Variants in SCGN observed in about 807,000 individuals in gnomAD.
The protein encoded by SCGN is secretagogin, EF-hand calcium binding protein.
SCGN carries 30 observed loss-of-function variants against 39.7 expected under a neutral mutation model. The observed-to-expected ratio is 0.76, with a 90% CI of 0.57 to 1.03. The LOEUF (loss-of-function observed/expected upper bound fraction) is 1.03. Among genes scored for constraint, SCGN ranks in the 50% least tolerant of loss-of-function variants. The pLI, the probability that SCGN is intolerant of heterozygous loss-of-function variation, is 0.00. For synonymous variants in SCGN, 106 were observed against 114.1 expected, an observed-to-expected ratio of 0.93 and a Z score of 0.45; for missense variants, 353 against 349.4, an observed-to-expected ratio of 1.01 and a Z score of -0.08.
chr6:25,695,928 C>G (rs1214602480), intron 10 of SCGN, among the ~76,000 whole-genome samples: 1 of 152,190 alleles, frequency 6.6e-6, no homozygotes, highest in Non-Finnish European at 1.5e-5. Context: ...GCAAGAAATT[C>G]CAGATCTCCC....
At chr6:25,668,217 GAAA>G (rs57628790) in intron 4 of SCGN, among the ~76,000 whole-genome samples, 2 of 146,802 alleles carry the variant, frequency 1.4e-5, no homozygotes, top group African/African-American at 5.0e-5. Context: ...ATCTGTCAGT[GAAA>G]AAAAAAAAAA....
intron 4 of SCGN, among the ~76,000 whole-genome samples, chr6:25,666,046 A>G (rs1760419186): frequency 6.6e-6 from 1 of 150,944 alleles, no homozygotes; most frequent in South Asian, 2.1e-4. Flanking sequence ...TTTATTTAAA[A>G]AACTTTGTCC....
intron 6 of SCGN, among the ~76,000 whole-genome samples, chr6:25,679,473 C>T (rs955824083): frequency 2.8e-4 from 37 of 133,232 alleles, no homozygotes; most frequent in African/African-American, 8.7e-4. Flanking sequence ...GGCACGGAGC[C>T]CCGTGGGCAG....
chr6:25,674,633 T>C (rs1759542224), intron 6 of SCGN, among the ~76,000 whole-genome samples: 1 of 152,252 alleles, frequency 6.6e-6, no homozygotes, highest in African/African-American at 2.4e-5. Flanking sequence ...ATGTAACTTA[T>C]TAAATGAATT....
chr6:25,672,813 A>G (rs115056375), intron 6 of SCGN, among the ~76,000 whole-genome samples: 420 of 152,332 alleles, frequency 2.8e-3, no homozygotes, highest in Middle Eastern at 6.8e-3. Context: ...GTTGCCATCC[A>G]GGTGATGGAA....
intron 2 of SCGN, among the ~76,000 whole-genome samples, chr6:25,655,650 A>G (rs1425420200): frequency 6.8e-6 from 1 of 147,882 alleles, no homozygotes; most frequent in African/African-American, 2.5e-5. Flanking sequence ...AAATTTCAGT[A>G]TGCCTGAGAA....
Position 25,653,379 on chromosome 6 carries a change from T to G in SCGN, c.83-3T>G, listed in dbSNP as rs1421071445. On this transcript the variant is annotated splice_region_variant and splice_polypyrimidine_tract_variant and intron_variant, in intron 1 of 10. Transcript: ENST00000377961. ...TTATTTATGTTTATTTTCTCACATT[T>G]AGAAAAAGGTTACATAGAAGAGAAG... is the stretch of plus-strand genomic sequence containing the variant. The G allele has an allele frequency of 6.3e-7, 1 of 1,592,838 alleles. No homozygotes were observed. The highest frequency in any genetic ancestry group is 8.6e-7 in the Non-Finnish European group (1 of 1,161,836).
At chr6:25,657,284 G>A (rs751178258) in intron 2 of SCGN, among the ~76,000 whole-genome samples, 1 of 152,130 alleles carries the variant, frequency 6.6e-6, no homozygotes, top group African/African-American at 2.4e-5. Context: ...GGTGGGGAAA[G>A]GACAACTATG....
chr6:25,701,087 T>G (rs1293706744), intron 10 of SCGN, 120 bp from the exon 11 acceptor site: 3 of 1,091,426 alleles, frequency 2.7e-6, no homozygotes, highest in Non-Finnish European at 2.5e-6. Flanking sequence ...ATTCCCTCAC[T>G]CCCTGTGGCC....
chr6:25,681,959 T>G lies in SCGN; in HGVS notation c.480T>G (p.Ile160Met), dbSNP rs760187078. 1 of 1,613,508 alleles carries G rather than the reference T, an allele frequency of 6.2e-7. No individual in the cohort carries two copies. The highest frequency in any genetic ancestry group is 8.5e-7 in the Non-Finnish European group (1 of 1,179,418). Residue 160 changes from isoleucine (I) to methionine (M), a missense_variant, in exon 7 of 11, where the codon ATT becomes ATG. Physicochemically the swap from Ile to Met is conservative, Grantham distance 10. Coordinates refer to ENST00000377961, the MANE Select transcript of SCGN (RefSeq NM_006998.4). The part of the protein sequence containing the change: ...LEEYTGTMMK[I>M]FDRNKDGRLD... ...TCCCTTCTGCATTTCAGATGAAGAT[T>G]TTTGACAGAAATAAAGATGGTCGGT...
chr6:25,674,233 G>C (rs1351042714), intron 6 of SCGN, among the ~76,000 whole-genome samples: 1 of 152,218 alleles, frequency 6.6e-6, no homozygotes, highest in African/African-American at 2.4e-5. Flanking sequence ...TGAGAGCCAA[G>C]TGTGGAGAAA....
At chr6:25,689,098 C>T in intron 7 of SCGN, 74 bp from the exon 8 acceptor site, 2 of 1,028,374 alleles carry the variant, frequency 1.9e-6, no homozygotes, top group Non-Finnish European at 2.9e-6. Flanking sequence ...ACTTTCCACA[C>T]ACCAGGGCTA....
intron 2 of SCGN, among the ~76,000 whole-genome samples, chr6:25,655,523 G>A (rs558185701): frequency 6.6e-6 from 1 of 152,276 alleles, no homozygotes; most frequent in African/African-American, 2.4e-5. Context: ...CATAATCCTC[G>A]AGGAAAGAGG....
chr6:25,701,405 T>C lies in SCGN; in HGVS notation c.*70T>C. ...TTGCTGGTAGAATTGTATCTGTGCATTGATGTTGGGAACACAGTGGGCAAA... is the reference window on the plus strand; with the variant it reads ...TTGCTGGTAGAATTGTATCTGTGCACTGATGTTGGGAACACAGTGGGCAAA... On this transcript the variant is annotated 3_prime_UTR_variant, in exon 11 of 11. Transcript: ENST00000377961. 1 of 1,560,422 alleles carries C rather than the reference T, an allele frequency of 6.4e-7. No homozygotes were observed. The highest frequency in any genetic ancestry group is 1.2e-5 in the South Asian group (1 of 81,372).
rs571993440 is a variant in SCGN, at chr6:25,654,294, ACC to A, written c.153+843_153+844del. ...TCAGTGAGGGAACAAGGAGCTCTTCACCACTGTTGAGAACATGGGGAGGGTAT... is the reference window on the plus strand; with the variant it reads ...TCAGTGAGGGAACAAGGAGCTCTTCAACTGTTGAGAACATGGGGAGGGTAT... On this transcript the variant is annotated intron_variant, in intron 2 of 10. Coordinates refer to ENST00000377961, the MANE Select transcript of SCGN (RefSeq NM_006998.4). Among the ~76,000 whole-genome samples the A allele has an allele frequency of 2.0e-3, 297 of 152,296 alleles. 1 individual carries two copies. In the Middle Eastern group the frequency reaches 0.024, roughly 12 times the overall value.
chr6:25,699,868 A>G (rs185261881), intron 10 of SCGN, among the ~76,000 whole-genome samples: 3 of 152,212 alleles, frequency 2.0e-5, no homozygotes, highest in African/African-American at 2.4e-5. Flanking sequence ...TGAAAGCCCT[A>G]AAAAGAAAAA....
chr6:25,693,451 C>CAAAAAAAA (rs11376402), intron 10 of SCGN, among the ~76,000 whole-genome samples: 1 of 48,412 alleles, frequency 2.1e-5, no homozygotes, highest in Non-Finnish European at 3.7e-5. Flanking sequence ...GACTCCGTCT[C>CAAAAAAAA]AAAAAAAAAA....
At chr6:25,659,853 C>A (rs1428181293) in intron 2 of SCGN, among the ~76,000 whole-genome samples, 2 of 152,050 alleles carry the variant, frequency 1.3e-5, no homozygotes, top group African/African-American at 4.8e-5. Context: ...GTTGTTCTGG[C>A]AAGTTCTTTG....
intron 10 of SCGN, among the ~76,000 whole-genome samples, chr6:25,692,937 G>A (rs1405117957): frequency 6.6e-6 from 1 of 151,978 alleles, no homozygotes; most frequent in African/African-American, 2.4e-5. Context: ...CAGTGCTTTG[G>A]CCTGTGACAG....
Sources: gnomAD v4.1 joint callset for allele counts (sites outside exome capture counted in the v4.1 genomes callset) on GRCh38, gnomAD v4.1.1 for gene constraint, MANE v1.5 for transcripts, NCBI Gene and HGNC (gene_info 2026-07-23, HGNC 2026-07-21) for gene names.